The following CNTNAP5 variants were observed in gnomAD, a reference collection of about 807,000 sequenced individuals.
CNTNAP5 encodes contactin associated protein family member 5.
CNTNAP5 carries 72 observed loss-of-function variants against 150.2 expected under a neutral mutation model. The ratio of observed to expected loss-of-function variants is 0.48; its 90% CI spans 0.40 to 0.58. The LOEUF (loss-of-function observed/expected upper bound fraction) is 0.58. CNTNAP5 is among the 20% of genes least tolerant of loss of function. The pLI is 0.00. For synonymous variants in CNTNAP5, 672 were observed against 619.8 expected (o/e 1.08, Z -1.25); for missense variants, 1,636 against 1,626.2 (o/e 1.01, Z -0.10).
intron 2 of CNTNAP5, 92 bp downstream of exon 2, chr2:124,221,901 C>A (rs1160611200): frequency 3.9e-6 from 3 of 775,702 alleles, no homozygotes; most frequent in Non-Finnish European, 6.5e-6. Flanking sequence ...ACACTGAAAT[C>A]ATGTCCAATG....
chr2:124,150,863 A>G (rs1684389499), intron 1 of CNTNAP5, among the ~76,000 whole-genome samples: 1 of 152,144 alleles, frequency 6.6e-6, no homozygotes, highest in Non-Finnish European at 1.5e-5. Context: ...AGTCCGTAGT[A>G]TGGATATTAG....
chr2:124,526,682 C>T (rs1694976210), intron 9 of CNTNAP5, among the ~76,000 whole-genome samples: 1 of 152,136 alleles, frequency 6.6e-6, no homozygotes, highest in Admixed American at 6.5e-5. Context: ...TATTACAGCC[C>T]TAAAATGACA....
chr2:124,298,759 T>A (rs1316396274), intron 3 of CNTNAP5, among the ~76,000 whole-genome samples: 1 of 152,146 alleles, frequency 6.6e-6, no homozygotes, highest in African/African-American at 2.4e-5. Flanking sequence ...CATTATCTTG[T>A]CATACTTCAA....
chr2:124,848,599 C>A (rs1374362011), intron 19 of CNTNAP5, among the ~76,000 whole-genome samples: 1 of 152,026 alleles, frequency 6.6e-6, no homozygotes, highest in African/African-American at 2.4e-5. Flanking sequence ...AGTGCCATAC[C>A]AGTATATGTT....
Position 124,609,782 on chromosome 2 carries a change from G to T in CNTNAP5, c.1757-19G>T. ...CAGAGCCAAGCAAAGTTTTATCTCT[G>T]CTGCCTTTGTCTTTCCAGCCATCTA... On this transcript the variant is annotated intron_variant, in intron 11 of 23. Transcript: ENST00000682447. The T allele has an allele frequency of 1.2e-6, 2 of 1,612,026 alleles. No individual in the cohort carries two copies.
At chr2:124,153,807 C>G (rs908885930) in intron 1 of CNTNAP5, among the ~76,000 whole-genome samples, 1 of 151,752 alleles carries the variant, frequency 6.6e-6, no homozygotes, top group Non-Finnish European at 1.5e-5. Context: ...GACGGAGTTT[C>G]ACTATATGTT....
intron 1 of CNTNAP5, among the ~76,000 whole-genome samples, chr2:124,077,664 A>G (rs1682470040): frequency 6.6e-6 from 1 of 152,146 alleles, no homozygotes; most frequent in Non-Finnish European, 1.5e-5. Context: ...TTTTCTCTCA[A>G]TGCCATCATG....
chr2:124,225,662 A>C (rs1686439699), intron 2 of CNTNAP5, among the ~76,000 whole-genome samples: 1 of 152,152 alleles, frequency 6.6e-6, no homozygotes, highest in Admixed American at 6.6e-5. Context: ...TCTCAGCAAA[A>C]GTCAAGCATA....
At chr2:124,378,817 G>T (rs1335441639) in intron 3 of CNTNAP5, among the ~76,000 whole-genome samples, 1 of 151,958 alleles carries the variant, frequency 6.6e-6, no homozygotes, top group Non-Finnish European at 1.5e-5. Context: ...AGTGACATAG[G>T]TGGATACTCG....
intron 19 of CNTNAP5, among the ~76,000 whole-genome samples, chr2:124,837,772 G>A (rs1573651016): frequency 6.6e-6 from 1 of 152,256 alleles, no homozygotes; most frequent in Non-Finnish European, 1.5e-5. Context: ...TCACTAGGCA[G>A]AAATTTGAAC....
At chr2:124,637,225 C>T (rs1212760918) in intron 12 of CNTNAP5, among the ~76,000 whole-genome samples, 1 of 152,188 alleles carries the variant, frequency 6.6e-6, no homozygotes, top group Non-Finnish European at 1.5e-5. Context: ...CACGACCCTT[C>T]AACCTCCTTT....
chr2:124,424,320 A>G (rs1692190461), intron 4 of CNTNAP5, among the ~76,000 whole-genome samples: 1 of 152,148 alleles, frequency 6.6e-6, no homozygotes, highest in Non-Finnish European at 1.5e-5. Context: ...ATCACAGGGA[A>G]CTTCAGAAGG....
chr2:124,782,317 C>T (rs1681469592), intron 17 of CNTNAP5, among the ~76,000 whole-genome samples: 1 of 152,142 alleles, frequency 6.6e-6, no homozygotes, highest in African/African-American at 2.4e-5. Flanking sequence ...GTCCTGCTTG[C>T]TTTGTGTTCA....
At chr2:124,677,075 G>A (rs1272292643) in intron 13 of CNTNAP5, among the ~76,000 whole-genome samples, 3 of 152,096 alleles carry the variant, frequency 2.0e-5, no homozygotes, top group African/African-American at 4.8e-5. Context: ...GCAGACCCTC[G>A]TGGTGAGTGT....
In CNTNAP5 at chr2:124,917,747, A is replaced by G. The variant is rs972063912; in HGVS notation, c.*3459A>G. Reference sequence around the variant, plus strand: ...TGAGTGCCGGGCTAGGCATTGGGTGAACATATATAAATTACACCTTGTTTT... The same window carrying G: ...TGAGTGCCGGGCTAGGCATTGGGTGGACATATATAAATTACACCTTGTTTT... On this transcript the variant is annotated 3_prime_UTR_variant, in exon 24 of 24. Coordinates refer to ENST00000682447, the MANE Select transcript of CNTNAP5 (RefSeq NM_001367498.1). Among the ~76,000 whole-genome samples, 1 of 151,998 alleles carries G rather than the reference A, an allele frequency of 6.6e-6. No individual in the cohort carries two copies. Among genetic ancestry groups the G allele is most frequent in the Non-Finnish European group, 1.5e-5 (1 of 67,978 alleles).
At chr2:124,519,513 G>A (rs191189058) in intron 8 of CNTNAP5, among the ~76,000 whole-genome samples, 1 of 152,338 alleles carries the variant, frequency 6.6e-6, no homozygotes, top group East Asian at 1.9e-4. Context: ...CTCAGCTCCA[G>A]TACCCACACT....
At chr2:124,784,890 G>A (rs1426769071) in intron 17 of CNTNAP5, among the ~76,000 whole-genome samples, 1 of 151,990 alleles carries the variant, frequency 6.6e-6, no homozygotes, top group Non-Finnish European at 1.5e-5. Context: ...GAATGTGAAT[G>A]ATATGAAGAA....
chr2:124,511,302 A>C (rs1446589323), intron 8 of CNTNAP5, among the ~76,000 whole-genome samples: 1 of 152,242 alleles, frequency 6.6e-6, no homozygotes, highest in Non-Finnish European at 1.5e-5. Context: ...AAGGGATCTG[A>C]CATTTCAATG....
chr2:124,268,024 C>T (rs541590879), intron 3 of CNTNAP5, among the ~76,000 whole-genome samples: 1 of 152,230 alleles, frequency 6.6e-6, no homozygotes, highest in South Asian at 2.1e-4. Flanking sequence ...TATTTCAAAG[C>T]AATGCTTTCT....
Sources: gnomAD v4.1 joint callset for allele counts (sites outside exome capture counted in the v4.1 genomes callset) on GRCh38, gnomAD v4.1.1 for gene constraint, MANE v1.5 for transcripts, NCBI Gene and HGNC (gene_info 2026-07-23, HGNC 2026-07-21) for gene names.